The following BCAT1 variants were observed in gnomAD, a reference collection of about 807,000 sequenced individuals.
BCAT1 encodes branched-chain-amino-acid aminotransferase, cytosolic.
A neutral mutation model predicts 52.4 loss-of-function variants in BCAT1; 48 were observed. That is an observed-to-expected ratio of 0.92 (90% CI 0.73 to 1.16). The LOEUF (loss-of-function observed/expected upper bound fraction) is 1.16. Among genes scored for constraint, BCAT1 ranks in the 50% most tolerant of loss-of-function variants. BCAT1 has a pLI of 0.00. For synonymous variants in BCAT1, 167 were observed against 161.3 expected (o/e 1.04, Z -0.27); for missense variants, 451 against 457.1 (o/e 0.99, Z 0.12).
At chr12:24,909,087 G>A (rs1943272758) in intron 1 of BCAT1, among the ~76,000 whole-genome samples, 1 of 151,842 alleles carries the variant, frequency 6.6e-6, no homozygotes, top group South Asian at 2.1e-4. Context: ...TGTAGCCCTT[G>A]GATTACGGTA....
chr12:24,867,960 G>A (rs1426783596), intron 5 of BCAT1, among the ~76,000 whole-genome samples: 1 of 152,184 alleles, frequency 6.6e-6, no homozygotes, highest in African/African-American at 2.4e-5. Flanking sequence ...AGCCGAGATT[G>A]CACCACTGCA....
chr12:24,901,759 G>A, intron 2 of BCAT1, 55 bp downstream of exon 2: 1 of 1,541,968 alleles, frequency 6.5e-7, no homozygotes, highest in Non-Finnish European at 8.9e-7. Flanking sequence ...AACAAGAAAT[G>A]GATTTATTCA....
intron 1 of BCAT1, chr12:24,902,514 G>T (rs554332259): frequency 3.1e-6 from 2 of 636,676 alleles, no homozygotes; most frequent in South Asian, 5.2e-5. Flanking sequence ...CTACGGGGGT[G>T]GGGGTGGGGA....
At chr12:24,901,671 TAAGA>T in intron 2 of BCAT1, 139 bp downstream of exon 2, 1 of 835,906 alleles carries the variant, frequency 1.2e-6, no homozygotes, top group African/African-American at 1.7e-5. Context: ...TTTTTTCCTC[TAAGA>T]GTGGAATTTT....
At chr12:24,842,328 G>C in intron 6 of BCAT1, 104 bp from the exon 7 acceptor site, 4 of 1,281,178 alleles carry the variant, frequency 3.1e-6, no homozygotes, top group Non-Finnish European at 4.4e-6. Flanking sequence ...TGTGGACATA[G>C]TGAAGGTATT....
rs142411481 is a variant in BCAT1, at chr12:24,941,292, A to C, written c.6+7635T>G. Among the ~76,000 whole-genome samples the C allele has an allele frequency of 4.4e-3, 673 of 152,338 alleles. 4 individuals carry two copies. The highest frequency in any genetic ancestry group is 0.016 in the African/African-American group (646 of 41,574). On this transcript the variant is annotated intron_variant, in intron 1 of 10. Transcript: ENST00000261192. ...CAGCTATATGAGTTTGGCAATGGGC[A>C]TTAAGCTACATGAGTTTGCAGCTAT...
chr12:24,898,175 TTC>T (rs1358920666), intron 2 of BCAT1, among the ~76,000 whole-genome samples: 23 of 152,350 alleles, frequency 1.5e-4, no homozygotes, highest in Admixed American at 2.6e-4. Context: ...AAAAAGTATT[TTC>T]TTTTTCTAGA....
chr12:24,943,010 C>G (rs923070207), intron 1 of BCAT1, among the ~76,000 whole-genome samples: 1 of 152,202 alleles, frequency 6.6e-6, no homozygotes, highest in Non-Finnish European at 1.5e-5. Flanking sequence ...CATATCTCAG[C>G]TGACTGCAAA....
intron 1 of BCAT1, chr12:24,902,111 T>C: frequency 6.8e-7 from 1 of 1,465,370 alleles, no homozygotes; most frequent in Non-Finnish European, 9.0e-7. Context: ...GCGGTTTTTG[T>C]CCTCCTCCGC....
intron 5 of BCAT1, among the ~76,000 whole-genome samples, chr12:24,873,451 A>G (rs944328664): frequency 3.9e-5 from 6 of 152,226 alleles, no homozygotes; most frequent in Admixed American, 1.3e-4. Flanking sequence ...AAGTTTATAT[A>G]ACATAATATC....
intron 1 of BCAT1, among the ~76,000 whole-genome samples, chr12:24,923,368 C>T (rs564445897): frequency 1.5e-4 from 23 of 152,204 alleles, no homozygotes; most frequent in Middle Eastern, 3.4e-3. Flanking sequence ...AAGCAGAGGA[C>T]GGGGCTGTCA....
At position 24,898,520 on chromosome 12, in the gene BCAT1, C is replaced by CTTTTTTTTTTTTTTTTTTTT. The variant is rs71448094; in HGVS notation, c.78+3274_78+3293dup. On this transcript the variant is annotated intron_variant, in intron 2 of 10. Transcript: ENST00000261192. The stretch of plus-strand genomic sequence containing the variant: ...TGTTTCAGCCAGGGTTCAGTCAACA[C>CTTTTTTTTTTTTTTTTTTTT]TTTTTTTTTTTTTTTTTTTTTTTTT... Among the ~76,000 whole-genome samples, 65 of 38,528 alleles carry CTTTTTTTTTTTTTTTTTTTT rather than the reference C, an allele frequency of 1.7e-3. 26 individuals carry two copies. Among genetic ancestry groups the CTTTTTTTTTTTTTTTTTTTT allele is most frequent in the East Asian group, 4.6e-3 (4 of 866 alleles). The allele number at this position is 38,528 out of a possible 152,430, so 25.3% of individuals were successfully genotyped here.
chr12:24,864,145 A>G (rs1204560873), intron 5 of BCAT1, among the ~76,000 whole-genome samples: 1 of 152,152 alleles, frequency 6.6e-6, no homozygotes, highest in African/African-American at 2.4e-5. Context: ...AGACCATTAC[A>G]AAAAAAGTTT....
At chr12:24,823,648 A>G (rs1185506951) in intron 10 of BCAT1, among the ~76,000 whole-genome samples, 1 of 152,028 alleles carries the variant, frequency 6.6e-6, no homozygotes, top group East Asian at 1.9e-4. Flanking sequence ...AGTGAGTTCT[A>G]AGGAGATCTG....
chr12:24,902,852 A>G (rs972241907), intron 1 of BCAT1: 61 of 1,475,754 alleles, frequency 4.1e-5, no homozygotes, highest in Admixed American at 6.3e-5. Context: ...AGGATGGTGC[A>G]GGAAACGGCG....
chr12:24,836,352 G>A, intron 8 of BCAT1, 159 bp downstream of exon 8: 2 of 654,694 alleles, frequency 3.1e-6, no homozygotes, highest in South Asian at 4.5e-5. Flanking sequence ...GTCTTGCCAA[G>A]AAAGCCCTTC....
intron 5 of BCAT1, among the ~76,000 whole-genome samples, chr12:24,873,796 T>G (rs140499373): frequency 4.0e-4 from 61 of 152,314 alleles, no homozygotes; most frequent in African/African-American, 1.4e-3. Flanking sequence ...AATTTCAGGT[T>G]GTTGTTTTCT....
Position 24,943,555 on chromosome 12 carries a change from C to T in BCAT1, c.6+5372G>A, listed in dbSNP as rs561122670. 4.1e-5 allele frequency among the ~76,000 whole-genome samples: 6 copies of T among 146,652 alleles called. No homozygotes were observed. The East Asian group carries it at 8.0e-4, about 20-fold the overall frequency. ...GTGTCAGACCCAAGAAAGCCTAGAA[C>T]CTGGAGAGATCAATAGCACAATAGA... On this transcript the variant is annotated intron_variant, in intron 1 of 10. Transcript: ENST00000261192.
intron 1 of BCAT1, among the ~76,000 whole-genome samples, chr12:24,907,095 G>A (rs957781676): frequency 6.6e-6 from 1 of 152,146 alleles, no homozygotes; most frequent in Admixed American, 6.5e-5. Context: ...CCTTTTGCTA[G>A]GCTCTTTCTT....
Sources: gnomAD v4.1 joint callset for allele counts (sites outside exome capture counted in the v4.1 genomes callset) on GRCh38, gnomAD v4.1.1 for gene constraint, MANE v1.5 for transcripts, NCBI Gene and HGNC (gene_info 2026-07-23, HGNC 2026-07-21) for gene names.